The following LYPD1 variants were observed in gnomAD, a reference collection of about 807,000 sequenced individuals.
The protein encoded by LYPD1 is LY6/PLAUR domain containing 1, also known as ly6/PLAUR domain-containing protein 1.
LYPD1 carries 14 observed loss-of-function variants against 14.2 expected under a neutral mutation model. The observed-to-expected ratio is 0.99, with a 90% confidence interval of 0.65 to 1.54. The LOEUF is 1.54. LYPD1 is among the 40% of genes most tolerant of loss of function. LYPD1 has a pLI of 0.00. For missense variants in LYPD1, 165 were observed against 175.7 expected, an observed-to-expected ratio of 0.94 and a Z score of 0.34; for synonymous variants, 85 against 70.6, an observed-to-expected ratio of 1.20 and a Z score of -1.02.
At chr2:132,650,510 G>T (rs1682316574) in intron 2 of LYPD1, among the ~76,000 whole-genome samples, 1 of 152,076 alleles carries the variant, frequency 6.6e-6, no homozygotes, top group Non-Finnish European at 1.5e-5. Context: ...TATACACAAG[G>T]TTATTCATGG....
rs181659751 is a variant in LYPD1 at position 132,665,452 on chromosome 2, T to C, written c.190+2948A>G. Among the ~76,000 whole-genome samples the C allele has an allele frequency of 2.0e-3, 307 of 152,326 alleles. 1 individual carries two copies. Among genetic ancestry groups the C allele is most frequent in the African/African-American group, 7.0e-3 (289 of 41,576 alleles). On this transcript the variant is annotated intron_variant, in intron 2 of 2. Coordinates refer to ENST00000397463, the MANE Select transcript of LYPD1 (RefSeq NM_144586.7). ...CCAGATTCTTTTGACATCCACTTCA[T>C]GGCCTGTCTACCTGGACTGTTAGGT...
rs1683578613 is a variant in LYPD1 at position 132,670,054 on chromosome 2, G to C, written c.-122C>G. ...TGCTGGGGCCCGCGCTGCTGCCGCG[G>C]AGACGACGGTCGTAGCTTAGAGGAG... On this transcript the variant is annotated 5_prime_UTR_variant, in exon 1 of 3. Transcript: ENST00000397463. This position sits in a 1 kb window ranked among gnomAD's most constrained non-coding sequence, Gnocchi z 4.5. 1 of 1,534,022 alleles carries C rather than the reference G, an allele frequency of 6.5e-7. No individual in the cohort carries two copies. Among genetic ancestry groups the C allele is most frequent in the African/African-American group, 1.4e-5 (1 of 71,570 alleles).
chr2:132,668,988 ATTTAT>A (rs1683458681), intron 1 of LYPD1, among the ~76,000 whole-genome samples: 1 of 152,132 alleles, frequency 6.6e-6, no homozygotes, highest in Non-Finnish European at 1.5e-5. Context: ...TTTAGTTTTT[ATTTAT>A]TTAATTTTTA....
chr2:132,668,625 GGCTCCCA>G lies in LYPD1; in HGVS notation c.53-95_53-89del, dbSNP rs773842692. 2.3e-3 allele frequency: 3,469 copies of G among 1,541,228 alleles called. 10 individuals are homozygous for G. The highest frequency in any genetic ancestry group is 2.7e-3 in the Middle Eastern group (12 of 4,384). The stretch of plus-strand genomic sequence containing the variant: ...ACCATCCCACGCCTCAGAGCCAGGC[GGCTCCCA>G]GCCTCTGGCAGGCTTAGACCACTCC... On this transcript the variant is annotated intron_variant, in intron 1 of 2. Coordinates refer to ENST00000397463, the MANE Select transcript of LYPD1 (RefSeq NM_144586.7).
At chr2:132,648,607 T>C (rs796170615) in intron 2 of LYPD1, among the ~76,000 whole-genome samples, 7 of 152,354 alleles carry the variant, frequency 4.6e-5, no homozygotes, top group African/African-American at 1.7e-4. Flanking sequence ...GTTGGATAAA[T>C]AGTGCATGTC....
In LYPD1 at chr2:132,645,315, G is replaced by GGT; in HGVS notation, c.*728_*729dup. On this transcript the variant is annotated 3_prime_UTR_variant, in exon 3 of 3. Coordinates refer to ENST00000397463, the MANE Select transcript of LYPD1 (RefSeq NM_144586.7). Reference sequence around the variant, plus strand: ...AGCAGTTTCGGCGGGTGTTCGTGCAGGTGCTGTGCTGCCGCCTGTCGCTGC... The same window carrying GGT: ...AGCAGTTTCGGCGGGTGTTCGTGCAGGTGTGCTGTGCTGCCGCCTGTCGCTGC... 6.2e-7 allele frequency: 1 copy of GGT among 1,614,220 alleles called. No individual in the cohort carries two copies. The highest frequency in any genetic ancestry group is 8.5e-7 in the Non-Finnish European group (1 of 1,180,036).
chr2:132,659,744 G>C (rs950189127), intron 2 of LYPD1, among the ~76,000 whole-genome samples: 5 of 152,206 alleles, frequency 3.3e-5, no homozygotes, highest in East Asian at 1.9e-4. Context: ...ACTCTTGAGA[G>C]AATCTTGAGC....
chr2:132,649,347 G>A (rs1449296301), intron 2 of LYPD1, among the ~76,000 whole-genome samples: 27 of 152,146 alleles, frequency 1.8e-4, no homozygotes, highest in Admixed American at 1.8e-3. Flanking sequence ...CTGGGGCAGA[G>A]GGACTGATAT....
Position 132,645,451 on chromosome 2 carries a change from A to G in LYPD1, c.*594T>C. On this transcript the variant is annotated 3_prime_UTR_variant, in exon 3 of 3. Coordinates refer to ENST00000397463, the MANE Select transcript of LYPD1 (RefSeq NM_144586.7). ...CGCGTCCCGGCGCCAGTCCTCTGCA[A>G]GGAGAACTGAGAAGATTTTCTTAAG... 1 of 1,613,260 alleles carries G rather than the reference A, an allele frequency of 6.2e-7. No homozygotes were observed. Among genetic ancestry groups the G allele is most frequent in the East Asian group, 2.2e-5 (1 of 44,868 alleles).
At position 132,670,118 on chromosome 2, in the gene LYPD1, C is replaced by G. The variant is rs749871830; in HGVS notation, c.-186G>C. On this transcript the variant is annotated 5_prime_UTR_variant, in exon 1 of 3. Coordinates refer to ENST00000397463, the MANE Select transcript of LYPD1 (RefSeq NM_144586.7). The surrounding 1 kb of genome is among the most constrained non-coding windows in gnomAD (Gnocchi z 4.5). ...TCGCGGAGCCTGCATCGCCCGCGCT[C>G]GGGCTCCCGGCTGCGGGTCTCTGCT... 3 of 1,413,254 alleles carry G rather than the reference C, an allele frequency of 2.1e-6. No individual in the cohort carries two copies. The highest frequency in any genetic ancestry group is 1.6e-5 in the African/African-American group (1 of 62,010). The allele number at this position is 1,413,254 out of a possible 1,614,324, so 87.5% of individuals were successfully genotyped here.
chr2:132,654,331 G>A (rs1682469482), intron 2 of LYPD1, among the ~76,000 whole-genome samples: 1 of 151,662 alleles, frequency 6.6e-6, no homozygotes, highest in African/African-American at 2.4e-5. Flanking sequence ...AGCCTGGGAG[G>A]CAGAGGTTGC....
At chr2:132,656,556 G>A (rs1056134829) in intron 2 of LYPD1, among the ~76,000 whole-genome samples, 3 of 152,284 alleles carry the variant, frequency 2.0e-5, no homozygotes, top group Admixed American at 2.0e-4. Context: ...ACTGTGTGAG[G>A]AATTTTGACA....
chr2:132,658,599 C>T (rs992069740), intron 2 of LYPD1, among the ~76,000 whole-genome samples: 2 of 152,138 alleles, frequency 1.3e-5, no homozygotes, highest in African/African-American at 2.4e-5. Flanking sequence ...TAGTTGAATT[C>T]TTAGAGCTCA....
In LYPD1 at chr2:132,669,784, G is replaced by A. The variant is rs1022080712; in HGVS notation, c.52+97C>T. The A allele has an allele frequency of 1.7e-5, 26 of 1,549,396 alleles. No individual in the cohort carries two copies. Among genetic ancestry groups the A allele is most frequent in the Non-Finnish European group, 2.0e-5 (23 of 1,151,298 alleles). ...CTCCCGCTGGGCAGCCCCAGCGCAG[G>A]GCTGGCCCCGAGGTGGGCGCCTTGG... On this transcript the variant is annotated intron_variant, in intron 1 of 2. Coordinates refer to ENST00000397463, the MANE Select transcript of LYPD1 (RefSeq NM_144586.7). This position sits in a 1 kb window ranked among gnomAD's most constrained non-coding sequence, Gnocchi z 4.3.
chr2:132,664,072 C>A (rs1482705533), intron 2 of LYPD1, among the ~76,000 whole-genome samples: 2 of 151,870 alleles, frequency 1.3e-5, no homozygotes, highest in African/African-American at 4.8e-5. Flanking sequence ...CATATGTGTG[C>A]GCACAGGCAT....
In LYPD1 at chr2:132,645,609, G is replaced by A. The variant is rs1369382041; in HGVS notation, c.*436C>T. 2 of 1,607,184 alleles carry A rather than the reference G, an allele frequency of 1.2e-6. No individual in the cohort carries two copies. The highest frequency in any genetic ancestry group is 1.7e-5 in the Admixed American group (1 of 58,966). ...GTTTTCAGGAGCATGAAGTTTGAAT[G>A]TCAAGCGAGGGAGCCTTGAGTGGGA... On this transcript the variant is annotated 3_prime_UTR_variant, in exon 3 of 3. Coordinates refer to ENST00000397463, the MANE Select transcript of LYPD1 (RefSeq NM_144586.7).
At position 132,670,098 on chromosome 2, in the gene LYPD1, G is replaced by A. The variant is rs558587805; in HGVS notation, c.-166C>T. 2.7e-6 allele frequency: 4 copies of A among 1,459,806 alleles called. No homozygotes were observed. In the South Asian group the frequency reaches 4.1e-5, roughly 15 times the overall value. The allele number at this position is 1,459,806 out of a possible 1,614,324, so 90.4% of individuals were successfully genotyped here. ...AGAGGAGCCGCAGGTGCCGCTCGCG[G>A]AGCCTGCATCGCCCGCGCTCGGGCT... On this transcript the variant is annotated 5_prime_UTR_variant, in exon 1 of 3. Coordinates refer to ENST00000397463, the MANE Select transcript of LYPD1 (RefSeq NM_144586.7). This position sits in a 1 kb window ranked among gnomAD's most constrained non-coding sequence, Gnocchi z 4.5.
At position 132,669,747 on chromosome 2, in the gene LYPD1, C is replaced by CG; in HGVS notation, c.52+133dup. On this transcript the variant is annotated intron_variant, in intron 1 of 2. Transcript: ENST00000397463. The surrounding 1 kb of genome is among the most constrained non-coding windows in gnomAD (Gnocchi z 4.3). Reference sequence around the variant, plus strand: ...CAGCCTCGCGCCCCGGGGCACCAGTCGCGGCCGCCAACTCCCGCTGGGCAG... The same window carrying CG: ...CAGCCTCGCGCCCCGGGGCACCAGTCGGCGGCCGCCAACTCCCGCTGGGCAG... The CG allele has an allele frequency of 6.9e-7, 1 of 1,456,100 alleles. No individual in the cohort carries two copies. Among genetic ancestry groups the CG allele is most frequent in the Non-Finnish European group, 9.0e-7 (1 of 1,109,912 alleles). 90.2% of individuals were successfully genotyped at this position (1,456,100 alleles called of 1,614,324 possible). A position where few individuals can be genotyped will look rare whatever the true frequency, so the allele number is the denominator to read the frequency against.
chr2:132,671,066 G>A (rs771453140), upstream of LYPD1: 1 of 152,506 alleles, frequency 6.6e-6, no homozygotes, highest in Admixed American at 6.5e-5. Context: ...CCGATTATTA[G>A]CACATACTCC....
Sources: gnomAD v4.1 joint callset for allele counts (sites outside exome capture counted in the v4.1 genomes callset) on GRCh38, gnomAD v4.1.1 for gene constraint, Gnocchi (gnomAD v3.1) non-coding constraint, MANE v1.5 for transcripts, NCBI Gene and HGNC (gene_info 2026-07-23, HGNC 2026-07-21) for gene names.